Variants in STRADA observed in about 807,000 individuals in gnomAD.
The protein encoded by STRADA is STE20-related kinase adapter protein alpha.
STRADA carries 26 observed loss-of-function variants against 55.0 expected under a neutral mutation model. The ratio of observed to expected loss-of-function variants is 0.47; its 90% CI spans 0.35 to 0.66. The LOEUF (loss-of-function observed/expected upper bound fraction) is 0.66, where lower values mean the gene tolerates loss of function less well. Among genes scored for constraint, STRADA ranks in the 30% least tolerant of loss-of-function variants. The probability of loss-of-function intolerance (pLI) is 0.01; values close to 1 mark genes in which losing one functional copy is unlikely to be tolerated. For missense variants in STRADA, 443 were observed against 549.7 expected, an observed-to-expected ratio of 0.81 and a Z score of 1.94; for synonymous variants, 197 against 210.9, an observed-to-expected ratio of 0.93 and a Z score of 0.57.
At chr17:63,740,459 C>T (rs188713357) in intron 1 of STRADA, among the ~76,000 whole-genome samples, 7 of 152,052 alleles carry the variant, frequency 4.6e-5, no homozygotes, top group East Asian at 1.9e-4. Context: ...TTGCAGTGAG[C>T]GGAGATCGCG....
intron 10 of STRADA, 110 bp downstream of exon 10, chr17:63,706,524 AG>A (rs2036100994): frequency 1.4e-6 from 1 of 733,532 alleles, no homozygotes; most frequent in East Asian, 2.7e-5. Context: ...AGGAAAAGAC[AG>A]GGTCTTTCAT....
intron 4 of STRADA, among the ~76,000 whole-genome samples, chr17:63,720,768 GT>G (rs2037248203): frequency 8.2e-6 from 1 of 121,466 alleles, no homozygotes; most frequent in Non-Finnish European, 1.7e-5. Flanking sequence ...GAGCGAGACT[GT>G]TTAAAAAAAA....
At chr17:63,730,812 T>C (rs7223412) in intron 1 of STRADA, among the ~76,000 whole-genome samples, 42,295 of 151,784 alleles carry the variant, frequency 0.28, 6,256 homozygotes, top group Middle Eastern at 0.37. Context: ...CCACCCACCT[T>C]AGGCTCCCAA....
intron 6 of STRADA, among the ~76,000 whole-genome samples, chr17:63,711,952 A>C (rs1454923922): frequency 1.3e-5 from 2 of 152,128 alleles, no homozygotes; most frequent in Non-Finnish European, 2.9e-5. Context: ...GAAAAAAAAA[A>C]GAAAAAGAAA....
intron 4 of STRADA, among the ~76,000 whole-genome samples, chr17:63,720,112 C>G (rs2037191708): frequency 6.6e-6 from 1 of 151,380 alleles, no homozygotes; most frequent in Non-Finnish European, 1.5e-5. Flanking sequence ...GCCTCGAACT[C>G]CAGGGCTCAA....
At chr17:63,738,390 A>T (rs1168470341) in intron 1 of STRADA, among the ~76,000 whole-genome samples, 1 of 151,616 alleles carries the variant, frequency 6.6e-6, no homozygotes, top group African/African-American at 2.4e-5. Flanking sequence ...AAAAAGAAAA[A>T]GTTGGGAGGC....
chr17:63,738,024 TAAACGAAAAG>T (rs887447011), intron 1 of STRADA, among the ~76,000 whole-genome samples: 22 of 144,782 alleles, frequency 1.5e-4, no homozygotes, highest in East Asian at 4.1e-4. Flanking sequence ...AAAACGAAAA[TAAACGAAAAG>T]AAACGAAAAG....
Position 63,703,701 on chromosome 17 carries a change from G to A in STRADA, c.1194C>T (p.Thr398=). 1.9e-6 allele frequency: 3 copies of A among 1,614,206 alleles called. No individual in the cohort carries two copies. Among genetic ancestry groups the A allele is most frequent in the Non-Finnish European group, 2.5e-6 (3 of 1,180,020 alleles). Residue 398 remains threonine, a synonymous_variant, in exon 13 of 13, where the codon ACC becomes ACT. Coordinates refer to ENST00000336174, the MANE Select transcript of STRADA (RefSeq NM_001003787.4). ...EALPELLRPV[T]PITNFEGSQS... ...GGCTGCCCTCAAAATTGGTGATGGG[G>A]GTGACAGGACGAAGCAATTCGGGCA... is the stretch of plus-strand genomic sequence containing the variant.
intron 1 of STRADA, among the ~76,000 whole-genome samples, chr17:63,732,488 A>G (rs2144239973): frequency 6.9e-6 from 1 of 145,546 alleles, no homozygotes; most frequent in African/African-American, 2.5e-5. Flanking sequence ...TGGCTAGTTA[A>G]AAAAAAAAAA....
chr17:63,726,785 A>G (rs2037693194), intron 2 of STRADA, 90 bp from the exon 3 acceptor site: 2 of 1,297,184 alleles, frequency 1.5e-6, no homozygotes, highest in Non-Finnish European at 2.2e-6. Context: ...CAAAATCCCA[A>G]CTATGAAAAC....
Position 63,704,404 on chromosome 17 carries a change from C to T in STRADA, c.1037G>A (p.Arg346Gln), listed in dbSNP as rs1216340850. The T allele has an allele frequency of 6.9e-6, 11 of 1,590,340 alleles. No homozygotes were observed. Among genetic ancestry groups the T allele is most frequent in the African/African-American group, 2.7e-5 (2 of 72,738 alleles). Residue 346 changes from arginine to glutamine, a missense_variant, in exon 11 of 13, where the codon CGA (arginine) becomes CAA (glutamine). By Grantham distance (43) the Arg-to-Gln change is conservative (BLOSUM62 1). Transcript: ENST00000336174. ...GTGGTGGAAGTGGGGGGAGAAGGTT[C>T]GGTGGTAGGGGTGGGAGGGCGAGTC... is the stretch of plus-strand genomic sequence containing the variant. ...NGDSPSHPYH[R>Q]TFSPHFHHFV...
intron 1 of STRADA, among the ~76,000 whole-genome samples, chr17:63,739,570 A>G (rs2144362616): frequency 6.6e-6 from 1 of 152,118 alleles, no homozygotes; most frequent in South Asian, 2.1e-4. Context: ...ATTCTAATGG[A>G]AGGGGAGGGC....
chr17:63,711,709 A>T (rs1447342885), intron 6 of STRADA, among the ~76,000 whole-genome samples: 2 of 151,998 alleles, frequency 1.3e-5, no homozygotes, highest in African/African-American at 4.8e-5. Context: ...CGAGGCAGGC[A>T]GATCACTTGA....
chr17:63,710,372 A>C, intron 8 of STRADA, 119 bp downstream of exon 8: 1 of 1,504,732 alleles, frequency 6.6e-7, no homozygotes, highest in Non-Finnish European at 9.0e-7. Context: ...TTCAGCAAGA[A>C]TCCAGATCCT....
chr17:63,715,219 G>A (rs2036778858), intron 4 of STRADA: 2 of 152,206 alleles, frequency 1.3e-5, no homozygotes, highest in East Asian at 1.9e-4. Flanking sequence ...AAGATGACCA[G>A]AGTATACTTT....
At chr17:63,739,066 T>C (rs2038666137) in intron 1 of STRADA, among the ~76,000 whole-genome samples, 1 of 133,696 alleles carries the variant, frequency 7.5e-6, no homozygotes, top group Non-Finnish European at 1.5e-5. Flanking sequence ...GGCAGGAGAA[T>C]GGCGTGAACC....
Position 63,713,521 on chromosome 17 carries a change from C to A in STRADA, c.233G>T (p.Gly78Val), listed in dbSNP as rs753092674. ...ATTCACAGTCATCAGGTCCTCAAAT[C>A]CTTTGCCTAAAAGAAAAAGGGAATG... ...CYELLTVIGK[G>V]FEDLMTVNLA... The change falls in exon 6 of 13, where the codon GGA (glycine) becomes GTA (valine). Residue 78 changes from glycine to valine, a missense_variant. Transcript: ENST00000336174. 6.2e-7 allele frequency: 1 copy of A among 1,613,658 alleles called. No homozygotes were observed. Among genetic ancestry groups the A allele is most frequent in the South Asian group, 1.1e-5 (1 of 90,860 alleles).
intron 1 of STRADA, among the ~76,000 whole-genome samples, chr17:63,739,119 C>T (rs1598285872): frequency 9.2e-6 from 1 of 109,206 alleles, no homozygotes. Context: ...CCAGCCTGGG[C>T]AACAGAGCGA....
At chr17:63,707,732 T>C (rs1397003826) in intron 8 of STRADA, among the ~76,000 whole-genome samples, 1 of 151,470 alleles carries the variant, frequency 6.6e-6, no homozygotes, top group East Asian at 1.9e-4. Flanking sequence ...GCTAATTTTT[T>C]TTTTTCTTTT....
Sources: gnomAD v4.1 joint callset for allele counts (sites outside exome capture counted in the v4.1 genomes callset) on GRCh38, gnomAD v4.1.1 for gene constraint, MANE v1.5 for transcripts, NCBI Gene and HGNC (gene_info 2026-07-23, HGNC 2026-07-21) for gene names.